Variants in ZEB2 observed in about 807,000 individuals in gnomAD.
ZEB2 encodes zinc finger E-box binding homeobox 2.
ZEB2 carries 6 observed loss-of-function variants against 99.9 expected under a neutral mutation model. The observed-to-expected ratio is 0.06, with a 90% CI of 0.03 to 0.12. The LOEUF is 0.12. Among genes scored for constraint, ZEB2 ranks in the 10% least tolerant of loss-of-function variants. The pLI, the probability that ZEB2 is intolerant of heterozygous loss-of-function variation, is 1.00. For synonymous variants in ZEB2, 517 were observed against 542.5 expected (o/e 0.95, Z 0.65); for missense variants, 969 against 1,502.8 (o/e 0.64, Z 5.87).
chr2:144,438,444 G>T (rs1391230635), intron 2 of ZEB2, among the ~76,000 whole-genome samples: 6 of 151,956 alleles, frequency 3.9e-5, no homozygotes, highest in Admixed American at 3.9e-4. Flanking sequence ...AGAGTCATAG[G>T]TCTTTAGAAG....
chr2:144,511,325 C>G, intron 2 of ZEB2: 2 of 1,084,168 alleles, frequency 1.8e-6, no homozygotes, highest in Non-Finnish European at 2.3e-6. Context: ...CTTACCTCCT[C>G]AGAGGAAACA....
intron 9 of ZEB2, among the ~76,000 whole-genome samples, chr2:144,392,553 G>A (rs1703166582): frequency 6.6e-6 from 1 of 152,190 alleles, no homozygotes; most frequent in Non-Finnish European, 1.5e-5. Context: ...AAAATAAAAT[G>A]TTCAGTTATG....
chr2:144,507,801 C>T (rs536104033), intron 2 of ZEB2, among the ~76,000 whole-genome samples: 4 of 152,272 alleles, frequency 2.6e-5, no homozygotes, highest in South Asian at 2.1e-4. Context: ...AAAAAATATG[C>T]GCAGTTACTG....
At chr2:144,419,189 C>A (rs888054506) in intron 4 of ZEB2, among the ~76,000 whole-genome samples, 2 of 152,040 alleles carry the variant, frequency 1.3e-5, no homozygotes, top group South Asian at 2.1e-4. Context: ...GAATCTGGAG[C>A]CTCCCAAAAC....
rs1023563375 is a variant in ZEB2, at chr2:144,517,560, C to T, written c.-69-141G>A. 3.4e-5 allele frequency: 23 copies of T among 667,770 alleles called. No homozygotes were observed. In the African/African-American group the frequency reaches 3.5e-4, roughly 10 times the overall value. The allele number at this position is 667,770 out of a possible 1,614,324, so 41.4% of individuals were successfully genotyped here. On this transcript the variant is annotated intron_variant, in intron 1 of 9. Transcript: ENST00000627532. ...GCCAAAGCGAAACTTCGGCGGCCCCCTCCCCGCCCCCCACCCCCAGCCTTG... is the reference window on the plus strand; with the variant it reads ...GCCAAAGCGAAACTTCGGCGGCCCCTTCCCCGCCCCCCACCCCCAGCCTTG...
rs563995913 is a variant in ZEB2, at chr2:144,384,462, A to G, written c.*4989T>C. 8 of 152,118 alleles carry G rather than the reference A, an allele frequency of 5.3e-5. No individual in the cohort carries two copies. Among genetic ancestry groups the G allele is most frequent in the Non-Finnish European group, 8.8e-5 (6 of 68,008 alleles). The allele number at this position is 152,118 out of a possible 1,614,324, so 9.4% of individuals were successfully genotyped here. ...GCCCTCTGAAACATCAGACCCAAAAAATTGGACACAGCCTACTAGCCCAAA... is the reference window on the plus strand; with the variant it reads ...GCCCTCTGAAACATCAGACCCAAAAGATTGGACACAGCCTACTAGCCCAAA... On this transcript the variant is annotated 3_prime_UTR_variant, in exon 10 of 10. Transcript: ENST00000627532.
At chr2:144,421,223 C>T (rs1573736646) in intron 4 of ZEB2, among the ~76,000 whole-genome samples, 1 of 152,060 alleles carries the variant, frequency 6.6e-6, no homozygotes, top group African/African-American at 2.4e-5. Flanking sequence ...GGATCCATGG[C>T]GATAAAGCAG....
intron 2 of ZEB2, chr2:144,513,814 G>A (rs747038525): frequency 6.5e-7 from 1 of 1,536,104 alleles, no homozygotes; most frequent in South Asian, 1.2e-5. Context: ...GGAGATAGTG[G>A]GGTATAATCA....
At chr2:144,390,198 A>G (rs146004556) in intron 9 of ZEB2, among the ~76,000 whole-genome samples, 170 bp from the exon 10 acceptor site, 2 of 152,256 alleles carry the variant, frequency 1.3e-5, no homozygotes, top group African/African-American at 4.8e-5. Flanking sequence ...TTTCCATCCC[A>G]CAATTTGGTT....
chr2:144,507,193 T>A (rs1704962378), intron 2 of ZEB2, among the ~76,000 whole-genome samples: 1 of 152,230 alleles, frequency 6.6e-6, no homozygotes, highest in African/African-American at 2.4e-5. Context: ...AGACCTCTTC[T>A]AGTTTATAGT....
chr2:144,471,269 A>G (rs1704351448), intron 2 of ZEB2, among the ~76,000 whole-genome samples: 1 of 152,164 alleles, frequency 6.6e-6, no homozygotes, highest in African/African-American at 2.4e-5. Flanking sequence ...TAAGTAAAAG[A>G]AGTGCTGGTT....
chr2:144,404,275 G>A (rs549882694), intron 5 of ZEB2, 145 bp from the exon 6 acceptor site: 31 of 850,458 alleles, frequency 3.6e-5, no homozygotes, highest in South Asian at 3.0e-4. Flanking sequence ...CGGCCCCCTC[G>A]CACACCAGTC....
chr2:144,388,401 A>G lies in ZEB2; in HGVS notation c.*1050T>C, dbSNP rs754471199. ...TCCTTTTTTACTAAAATATATCTAT[A>G]TATTGAAGAACTATAATACTGTACA... On this transcript the variant is annotated 3_prime_UTR_variant, in exon 10 of 10. Transcript: ENST00000627532. The surrounding 1 kb of genome is among the most constrained non-coding windows in gnomAD (Gnocchi z 5.4). 2.0e-5 allele frequency: 3 copies of G among 152,610 alleles called. No homozygotes were observed. Among genetic ancestry groups the G allele is most frequent in the Non-Finnish European group, 4.4e-5 (3 of 68,028 alleles). The allele number at this position is 152,610 out of a possible 1,614,324, so 9.5% of individuals were successfully genotyped here.
chr2:144,405,634 T>C (rs868271253), intron 4 of ZEB2, among the ~76,000 whole-genome samples: 2 of 150,290 alleles, frequency 1.3e-5, no homozygotes, highest in African/African-American at 4.9e-5. Context: ...CACCAGAATG[T>C]GGCATTTTAT....
In ZEB2 at chr2:144,424,843, G is replaced by A; in HGVS notation, c.356C>T (p.Thr119Ile). The change falls in exon 4 of 10, where the codon ACT becomes ATT. Residue 119 changes from threonine (T) to isoleucine (I), a missense_variant. Coordinates refer to ENST00000627532, the MANE Select transcript of ZEB2 (RefSeq NM_014795.4). ...GPEEMKEDYD[T>I]MGPEATIQTA... ...CTGGATCGTGGCTTCTGGCCCCATA[G>A]TGTCATAGTCTTCCTTCATTTCTTC... The A allele has an allele frequency of 6.2e-7, 1 of 1,614,006 alleles. No homozygotes were observed. Among genetic ancestry groups the A allele is most frequent in the Non-Finnish European group, 8.5e-7 (1 of 1,179,920 alleles).
intron 2 of ZEB2, among the ~76,000 whole-genome samples, chr2:144,454,877 T>TCA (rs368663549): frequency 5.3e-5 from 8 of 151,722 alleles, no homozygotes; most frequent in Non-Finnish European, 8.8e-5. Flanking sequence ...CATCAGAGCA[T>TCA]CACACACACA....
intron 2 of ZEB2, chr2:144,461,464 T>A (rs1420608273): frequency 1.3e-5 from 2 of 152,328 alleles, no homozygotes. Flanking sequence ...GTTGTCTACA[T>A]GCCAGGCCCA....
At position 144,386,293 on chromosome 2, in the gene ZEB2, A is replaced by G. The variant is rs1037381547; in HGVS notation, c.*3158T>C. Reference sequence around the variant, plus strand: ...GAATTTCTTGTTTGCGACCTTGGAGAAGAATCTTAAGACAAATCAAAAGTT... The same window carrying G: ...GAATTTCTTGTTTGCGACCTTGGAGGAGAATCTTAAGACAAATCAAAAGTT... On this transcript the variant is annotated 3_prime_UTR_variant, in exon 10 of 10. Transcript: ENST00000627532. 3.3e-5 allele frequency: 5 copies of G among 152,156 alleles called. No individual in the cohort carries two copies. The highest frequency in any genetic ancestry group is 1.3e-4 in the Admixed American group (2 of 15,278). 9.4% of individuals were successfully genotyped at this position (152,156 alleles called of 1,614,324 possible).
intron 2 of ZEB2, among the ~76,000 whole-genome samples, chr2:144,474,296 C>A (rs1260740886): frequency 1.3e-5 from 2 of 152,174 alleles, no homozygotes; most frequent in Non-Finnish European, 2.9e-5. Context: ...GTCTCCTTAT[C>A]TACCTCTTAT....
Sources: gnomAD v4.1 joint callset for allele counts (sites outside exome capture counted in the v4.1 genomes callset) on GRCh38, gnomAD v4.1.1 for gene constraint, Gnocchi (gnomAD v3.1) non-coding constraint, MANE v1.5 for transcripts, NCBI Gene and HGNC (gene_info 2026-07-23, HGNC 2026-07-21) for gene names.